The following USH1C variants were observed in gnomAD, a reference collection of about 807,000 sequenced individuals.
USH1C encodes the protein USH1 protein network component harmonin.
In USH1C, 90 loss-of-function variants were observed where a neutral mutation model predicts 119.3. That is an observed-to-expected ratio of 0.75 (90% CI 0.64 to 0.90). The LOEUF is 0.90. Among genes scored for constraint, USH1C ranks in the 40% least tolerant of loss-of-function variants. The pLI is 0.00. For missense variants in USH1C, 1,165 were observed against 1,167.7 expected (o/e 1.00, Z 0.03); for synonymous variants, 465 against 443.3 (o/e 1.05, Z -0.62).
intron 15 of USH1C, among the ~76,000 whole-genome samples, chr11:17,513,726 G>A (rs16934329): frequency 0.057 from 8,736 of 152,168 alleles, 294 homozygotes; most frequent in African/African-American, 0.09. Flanking sequence ...TTCCCAAGAG[G>A]AGCCAGAAAC....
At chr11:17,518,789 A>G (rs1258841004) in intron 14 of USH1C, among the ~76,000 whole-genome samples, 1 of 152,034 alleles carries the variant, frequency 6.6e-6, no homozygotes, top group African/African-American at 2.4e-5. Context: ...GGAGGTGGAG[A>G]CGGGCAGATC....
intron 21 of USH1C, 44 bp from the exon 22 acceptor site, chr11:17,501,579 G>A: frequency 1.3e-6 from 2 of 1,590,798 alleles, no homozygotes; most frequent in Non-Finnish European, 1.7e-6. Context: ...TGGCCTGAAG[G>A]ATGGCGCTTG....
In USH1C at chr11:17,533,535, C is replaced by T. The variant is rs893878607; in HGVS notation, c.37-213G>A. The T allele has an allele frequency of 7.8e-6, 5 of 642,006 alleles. No individual in the cohort carries two copies. In the African/African-American group the frequency reaches 8.9e-5, roughly 11 times the overall value. 39.8% of individuals were successfully genotyped at this position (642,006 alleles called of 1,614,324 possible). A position where few individuals can be genotyped will look rare whatever the true frequency, so the allele number is the denominator to read the frequency against. On this transcript the variant is annotated intron_variant, in intron 1 of 26. Transcript: ENST00000005226. ...CCCCAACGTGGCCACAGGAGTACCG[C>T]TGCCCCTCCAGATGTGGCCAGGCAC...
intron 12 of USH1C, 108 bp from the exon 13 acceptor site, chr11:17,521,519 C>G: frequency 8.5e-7 from 1 of 1,170,456 alleles, no homozygotes; most frequent in South Asian, 1.2e-5. Context: ...CTCCAGGCTC[C>G]CTTCCTAGGA....
chr11:17,506,751 T>C (rs1433856898), intron 18 of USH1C, among the ~76,000 whole-genome samples: 2 of 152,210 alleles, frequency 1.3e-5, no homozygotes, highest in African/African-American at 4.8e-5. Context: ...AAGCCTCCCT[T>C]GAGCTTTTCC....
At chr11:17,523,315 G>C (rs757853449) in intron 10 of USH1C, 48 bp from the exon 11 acceptor site, 14 of 1,613,872 alleles carry the variant, frequency 8.7e-6, no homozygotes, top group Non-Finnish European at 1.2e-5. Context: ...GACCACAGCA[G>C]TCCAGGCAGA....
rs138312423 is a variant in USH1C at position 17,533,685 on chromosome 11, G to A, written c.37-363C>T. On this transcript the variant is annotated intron_variant, in intron 1 of 26. Transcript: ENST00000005226. ...TGCTGCTGCTCACCCCCATGGCTGT[G>A]TCATCCATGGCCAGAAGAAGCCCAC... The A allele has an allele frequency of 6.2e-4, 303 of 490,738 alleles. 4 individuals are homozygous for A. The East Asian group carries it at 0.014, about 23-fold the overall frequency. The allele number at this position is 490,738 out of a possible 1,614,324, so 30.4% of individuals were successfully genotyped here. A position where few individuals can be genotyped will look rare whatever the true frequency, so the allele number is the denominator to read the frequency against.
chr11:17,503,688 C>T (rs563436583), intron 20 of USH1C, among the ~76,000 whole-genome samples: 72 of 152,364 alleles, frequency 4.7e-4, no homozygotes, highest in Middle Eastern at 3.4e-3. Flanking sequence ...TTTAAGAGCA[C>T]AGGCTGCAGA....
At chr11:17,521,510 TC>T in intron 12 of USH1C, 99 bp from the exon 13 acceptor site, 2 of 1,290,796 alleles carry the variant, frequency 1.5e-6, no homozygotes, top group Non-Finnish European at 2.2e-6. Flanking sequence ...TGGATTTTTC[TC>T]CAGGCTCCCT....
In USH1C at chr11:17,495,559, G is replaced by T; in HGVS notation, c.2655+10C>A. ...ACACACAGGGCCCTGTGGCCCGCCT[G>T]CCTATTCACCGTGGGCTCCAGCTGC... On this transcript the variant is annotated intron_variant, in intron 26 of 26. Coordinates refer to ENST00000005226, the MANE Select transcript of USH1C (RefSeq NM_153676.4). 6.2e-7 allele frequency: 1 copy of T among 1,613,484 alleles called. No homozygotes were observed. Among genetic ancestry groups the T allele is most frequent in the African/African-American group, 1.3e-5 (1 of 75,040 alleles).
intron 1 of USH1C, among the ~76,000 whole-genome samples, chr11:17,535,740 C>A (rs1050094517): frequency 3.9e-5 from 6 of 152,136 alleles, no homozygotes; most frequent in African/African-American, 1.4e-4. Context: ...GCGGTGGCAC[C>A]AGGAGCTTTT....
intron 1 of USH1C, among the ~76,000 whole-genome samples, chr11:17,534,317 C>T (rs908801341): frequency 1.3e-5 from 2 of 152,216 alleles, no homozygotes; most frequent in Admixed American, 6.5e-5. Flanking sequence ...TCTGGAAGAC[C>T]GGGGCAGTCT....
At chr11:17,513,883 G>A (rs1342936826) in intron 15 of USH1C, among the ~76,000 whole-genome samples, 1 of 152,180 alleles carries the variant, frequency 6.6e-6, no homozygotes, top group Admixed American at 6.5e-5. Context: ...GGGCTTCTGG[G>A]TGGGGTAGTA....
chr11:17,537,399 A>C (rs1029428726), intron 1 of USH1C, among the ~76,000 whole-genome samples: 3 of 151,962 alleles, frequency 2.0e-5, no homozygotes, highest in Non-Finnish European at 4.4e-5. Context: ...CATGTTCTTC[A>C]TTTCCCTGTG....
In USH1C at chr11:17,524,519, T is replaced by G; in HGVS notation, c.691A>C (p.Ile231Leu). The G allele has an allele frequency of 6.4e-7, 1 of 1,563,292 alleles. No homozygotes were observed. ...GLGCSISSGP[I>L]QKPGIFISHV... Reference sequence around the variant, plus strand: ...CTGATAAAGATGCCAGGCTTCTGGATGGGGCCGCTGGAAATGCTGCGGGAG... The same window carrying G: ...CTGATAAAGATGCCAGGCTTCTGGAGGGGGCCGCTGGAAATGCTGCGGGAG... The change falls in exon 9 of 27, where the codon ATC becomes CTC. Residue 231 changes from isoleucine to leucine, a missense_variant. Transcript: ENST00000005226.
chr11:17,534,830 C>T (rs952672008), intron 1 of USH1C, among the ~76,000 whole-genome samples: 2 of 147,830 alleles, frequency 1.4e-5, no homozygotes, highest in African/African-American at 5.0e-5. Context: ...GCCAAGATTG[C>T]ACCACTGCAC....
chr11:17,516,960 C>T (rs556221928), intron 14 of USH1C, among the ~76,000 whole-genome samples: 26 of 152,236 alleles, frequency 1.7e-4, no homozygotes, highest in African/African-American at 6.0e-4. Flanking sequence ...GAGTAATACC[C>T]CCAATCTGAA....
At chr11:17,512,731 C>T (rs1474563355) in intron 15 of USH1C, among the ~76,000 whole-genome samples, 3 of 152,180 alleles carry the variant, frequency 2.0e-5, no homozygotes, top group Non-Finnish European at 4.4e-5. Context: ...AGAGTCTAGA[C>T]CCACAGTTTC....
chr11:17,521,279 G>T (rs1386451802), intron 13 of USH1C, 67 bp downstream of exon 13: 9 of 1,551,250 alleles, frequency 5.8e-6, no homozygotes, highest in Non-Finnish European at 8.0e-6. Context: ...GGCAGCCTCT[G>T]GTTGGCCACA....
Sources: allele counts gnomAD v4.1 joint callset (sites outside exome capture counted in the v4.1 genomes callset), GRCh38; gene constraint gnomAD v4.1.1; transcripts MANE v1.5; gene names NCBI Gene and HGNC (gene_info 2026-07-23, HGNC 2026-07-21).